Variants in TTLL5 observed in about 807,000 individuals in gnomAD.
TTLL5 encodes the protein tubulin tyrosine ligase like 5.
Under a neutral mutation model 168.4 loss-of-function variants are expected in TTLL5, and 132 were observed. The ratio of observed to expected loss-of-function variants is 0.78; its 90% CI spans 0.68 to 0.91. The LOEUF (loss-of-function observed/expected upper bound fraction) is 0.91, where lower values mean the gene tolerates loss of function less well. TTLL5 is among the 40% of genes least tolerant of loss of function. TTLL5 has a pLI of 0.00. For missense variants in TTLL5, 1,545 were observed against 1,581.5 expected, an observed-to-expected ratio of 0.98 and a Z score of 0.39; for synonymous variants, 546 against 558.6, an observed-to-expected ratio of 0.98 and a Z score of 0.32.
At chr14:75,662,005 C>G (rs1480411342) in intron 1 of TTLL5, among the ~76,000 whole-genome samples, 1 of 152,088 alleles carries the variant, frequency 6.6e-6, no homozygotes, top group Non-Finnish European at 1.5e-5. Context: ...TTTGTAGTTC[C>G]TATTTCTTCT....
At chr14:75,918,198 A>T (rs1424685557) in intron 31 of TTLL5, among the ~76,000 whole-genome samples, 1 of 152,118 alleles carries the variant, frequency 6.6e-6, no homozygotes, top group Non-Finnish European at 1.5e-5. Flanking sequence ...CTACCATATC[A>T]TTGGCCAACA....
intron 30 of TTLL5, among the ~76,000 whole-genome samples, chr14:75,884,064 A>T (rs1378305631): frequency 1.3e-5 from 2 of 152,238 alleles, no homozygotes; most frequent in Non-Finnish European, 2.9e-5. Context: ...TTGTAAAAAT[A>T]AAACAATAAG....
chr14:75,775,514 T>C lies in TTLL5; in HGVS notation c.2167T>C (p.Ser723Pro). Residue 723 changes from serine (S) to proline (P), a missense_variant, in exon 22 of 32, where the codon TCA becomes CCA. Coordinates refer to ENST00000298832, the MANE Select transcript of TTLL5 (RefSeq NM_015072.5). ...GGTTGTTCGTTTCCTCAAGCGAGCA[T>C]CAAATAACCTCCAGCATTCACTGAG... ...ELVVRFLKRA[S>P]NNLQHSLRMV... 1 of 1,614,054 alleles carries C rather than the reference T, an allele frequency of 6.2e-7. No individual in the cohort carries two copies. The highest frequency in any genetic ancestry group is 1.1e-5 in the South Asian group (1 of 91,068).
Position 75,914,033 on chromosome 14 carries a change from A to AAAAAAAAAAAAAAAAATATAT in TTLL5, c.3823+11810_3823+11811insAAAAAAAAAAAAAAATATATA. Among the ~76,000 whole-genome samples, 3 of 71,100 alleles carry AAAAAAAAAAAAAAAAATATAT rather than the reference A, an allele frequency of 4.2e-5. No homozygotes were observed. In the Admixed American group the frequency reaches 5.3e-4, roughly 12 times the overall value. The allele number at this position is 71,100 out of a possible 152,430, so 46.6% of individuals were successfully genotyped here. A position where few individuals can be genotyped will look rare whatever the true frequency, so the allele number is the denominator to read the frequency against. Reference sequence around the variant, plus strand: ...GTTTAAAAGGAAAAAAAAAAAAAAAAATATATATATATATATATATATTTT... The same window carrying AAAAAAAAAAAAAAAAATATAT: ...GTTTAAAAGGAAAAAAAAAAAAAAAAAAAAAAAAAAAAAAAATATATATATATATATATATATATATATTTT... On this transcript the variant is annotated intron_variant, in intron 31 of 31. Transcript: ENST00000298832.
intron 24 of TTLL5, among the ~76,000 whole-genome samples, chr14:75,782,070 C>T (rs779387898): frequency 2.6e-5 from 4 of 151,728 alleles, no homozygotes; most frequent in Non-Finnish European, 5.9e-5. Context: ...GGGGTAGCTT[C>T]GCTGCTCCAT....
chr14:75,903,989 C>A lies in TTLL5; in HGVS notation c.3823+1765C>A. On this transcript the variant is annotated intron_variant, in intron 31 of 31. Coordinates refer to ENST00000298832, the MANE Select transcript of TTLL5 (RefSeq NM_015072.5). ...GGCTTATAGTAAGGATTAAATGAAGCAATATATAGGGAAGGCGCTATAACT... is the reference window on the plus strand; with the variant it reads ...GGCTTATAGTAAGGATTAAATGAAGAAATATATAGGGAAGGCGCTATAACT... 4.9e-6 allele frequency: 3 copies of A among 609,276 alleles called. No homozygotes were observed. In the South Asian group the frequency reaches 1.4e-4, roughly 28 times the overall value. The allele number at this position is 609,276 out of a possible 1,614,324, so 37.7% of individuals were successfully genotyped here. A position where few individuals can be genotyped will look rare whatever the true frequency, so the allele number is the denominator to read the frequency against.
intron 31 of TTLL5, among the ~76,000 whole-genome samples, chr14:75,917,802 G>A (rs1429151789): frequency 6.6e-6 from 1 of 152,210 alleles, no homozygotes; most frequent in Non-Finnish European, 1.5e-5. Context: ...GAAGTGAGGA[G>A]GTAGGAGGTG....
intron 25 of TTLL5, 33 bp from the exon 26 acceptor site, chr14:75,783,114 T>C: frequency 6.4e-7 from 1 of 1,560,296 alleles, no homozygotes. Context: ...GTTTTTCCTA[T>C]AATGATGTCT....
intron 26 of TTLL5, among the ~76,000 whole-genome samples, chr14:75,792,042 G>A (rs1230081043): frequency 2.0e-5 from 3 of 151,886 alleles, no homozygotes; most frequent in South Asian, 4.2e-4. Context: ...CCAAGTAGCT[G>A]GGACTATAAG....
intron 29 of TTLL5, among the ~76,000 whole-genome samples, chr14:75,866,196 C>G (rs2030503064): frequency 6.6e-6 from 1 of 152,160 alleles, no homozygotes; most frequent in African/African-American, 2.4e-5. Flanking sequence ...GGAAGCAAAG[C>G]CCTAGTAGAT....
chr14:75,737,502 A>C lies in TTLL5; in HGVS notation c.1281+2213A>C, dbSNP rs1053551279. On this transcript the variant is annotated intron_variant, in intron 15 of 31. Transcript: ENST00000298832. ...TCCTTTTTTATATCATAGATCTAGGAGATGGAAAATGTAGGCATATTAGGA... is the reference window on the plus strand; with the variant it reads ...TCCTTTTTTATATCATAGATCTAGGCGATGGAAAATGTAGGCATATTAGGA... 4.8e-6 allele frequency: 7 copies of C among 1,468,250 alleles called. No individual in the cohort carries two copies. The East Asian group carries it at 1.5e-4, about 31-fold the overall frequency. The allele number at this position is 1,468,250 out of a possible 1,614,324, so 91.0% of individuals were successfully genotyped here. A position where few individuals can be genotyped will look rare whatever the true frequency, so the allele number is the denominator to read the frequency against.
chr14:75,824,990 A>G (rs1306472986), intron 28 of TTLL5, among the ~76,000 whole-genome samples: 2 of 152,128 alleles, frequency 1.3e-5, no homozygotes, highest in African/African-American at 4.8e-5. Flanking sequence ...AGTCAGACAG[A>G]CCTAGGTTTG....
At chr14:75,749,297 A>G (rs538012671) in intron 17 of TTLL5, among the ~76,000 whole-genome samples, 1 of 152,194 alleles carries the variant, frequency 6.6e-6, no homozygotes, top group Non-Finnish European at 1.5e-5. Flanking sequence ...ATCAATTACA[A>G]ATAATCTTGA....
At chr14:75,894,469 C>G (rs1454134447) in intron 30 of TTLL5, among the ~76,000 whole-genome samples, 2 of 152,176 alleles carry the variant, frequency 1.3e-5, no homozygotes, top group Non-Finnish European at 2.9e-5. Context: ...AGGAGAATCT[C>G]TTGAACCCAG....
At chr14:75,746,266 T>A (rs1272992782) in intron 17 of TTLL5, among the ~76,000 whole-genome samples, 1 of 151,760 alleles carries the variant, frequency 6.6e-6, no homozygotes, top group East Asian at 1.9e-4. Flanking sequence ...TATTATATAC[T>A]ATGTCATTGT....
intron 4 of TTLL5, 131 bp downstream of exon 4, chr14:75,681,758 C>T: frequency 1.5e-6 from 1 of 678,752 alleles, no homozygotes; most frequent in Non-Finnish European, 2.5e-6. Flanking sequence ...TGGTCCAGAA[C>T]TCAGATTGAA....
intron 11 of TTLL5, 54 bp downstream of exon 11, chr14:75,719,880 A>G: frequency 6.5e-7 from 1 of 1,535,274 alleles, no homozygotes; most frequent in Non-Finnish European, 9.0e-7. Flanking sequence ...TAACTTTATC[A>G]TTGTCTCTTG....
Position 75,775,506 on chromosome 14 carries a change from A to T in TTLL5, c.2159A>T (p.Lys720Met), listed in dbSNP as rs754145080. Residue 720 changes from lysine (K) to methionine (M), a missense_variant, in exon 22 of 32, where the codon AAG becomes ATG. Coordinates refer to ENST00000298832, the MANE Select transcript of TTLL5 (RefSeq NM_015072.5). Reference protein sequence around the residue: ...EQMELVVRFLKRASNNLQHSL... With the variant: ...EQMELVVRFLMRASNNLQHSL... Reference sequence around the variant, plus strand: ...TAGGAGCTGGTTGTTCGTTTCCTCAAGCGAGCATCAAATAACCTCCAGCAT... The same window carrying T: ...TAGGAGCTGGTTGTTCGTTTCCTCATGCGAGCATCAAATAACCTCCAGCAT... 2.1e-5 allele frequency: 34 copies of T among 1,613,918 alleles called. No individual in the cohort carries two copies. In the East Asian group the frequency reaches 7.6e-4, roughly 36 times the overall value.
chr14:75,715,150 A>C (rs779811268), intron 9 of TTLL5, among the ~76,000 whole-genome samples: 1 of 151,746 alleles, frequency 6.6e-6, no homozygotes, highest in Non-Finnish European at 1.5e-5. Flanking sequence ...CCACTGGGCC[A>C]CTGTCCCATT....
Sources: gnomAD v4.1 joint callset for allele counts (sites outside exome capture counted in the v4.1 genomes callset) on GRCh38, gnomAD v4.1.1 for gene constraint, MANE v1.5 for transcripts, NCBI Gene and HGNC (gene_info 2026-07-23, HGNC 2026-07-21) for gene names.